The following EEFSEC variants were observed in gnomAD, a reference collection of about 807,000 sequenced individuals.
The protein encoded by EEFSEC is selenocysteine-specific elongation factor.
EEFSEC carries 43 observed loss-of-function variants against 42.1 expected under a neutral mutation model. The observed-to-expected ratio is 1.02, with a 90% confidence interval of 0.80 to 1.32. The LOEUF (loss-of-function observed/expected upper bound fraction) is 1.32. Ranked by LOEUF, EEFSEC falls within the 40% of genes most tolerant of loss-of-function variation. The probability of loss-of-function intolerance (pLI) is 0.00; values close to 1 mark genes in which losing one functional copy is unlikely to be tolerated. For synonymous variants in EEFSEC, 354 were observed against 339.1 expected, an observed-to-expected ratio of 1.04 and a Z score of -0.48; for missense variants, 745 against 803.6, an observed-to-expected ratio of 0.93 and a Z score of 0.88.
intron 4 of EEFSEC, among the ~76,000 whole-genome samples, chr3:128,324,016 C>T (rs2067036602): frequency 1.3e-5 from 2 of 152,222 alleles, no homozygotes; most frequent in African/African-American, 4.8e-5. Context: ...CCTCCATCTG[C>T]TCTGGGGAAG....
chr3:128,195,997 C>T (rs796629622), intron 1 of EEFSEC, among the ~76,000 whole-genome samples: 12 of 152,368 alleles, frequency 7.9e-5, no homozygotes, highest in East Asian at 1.9e-4. Flanking sequence ...TTGCCCCCAC[C>T]GCCTTTCTGC....
intron 1 of EEFSEC, among the ~76,000 whole-genome samples, chr3:128,209,393 G>T (rs2107829687): frequency 6.6e-6 from 1 of 152,276 alleles, no homozygotes; most frequent in Middle Eastern, 3.4e-3. Context: ...CTGAGTAGAG[G>T]GGGAGTGTAG....
At position 128,159,276 on chromosome 3, in the gene EEFSEC, C is replaced by G. The variant is rs140683022; in HGVS notation, c.316+5453C>G. Among the ~76,000 whole-genome samples, 456 of 152,320 alleles carry G rather than the reference C, an allele frequency of 3.0e-3. 2 individuals are homozygous for G. Among genetic ancestry groups the G allele is most frequent in the African/African-American group, 0.011 (441 of 41,562 alleles). On this transcript the variant is annotated intron_variant, in intron 1 of 6. Transcript: ENST00000254730. Reference sequence around the variant, plus strand: ...AAGTGCCTTGGGCTAGTGTTGGAACCTAACTCCGCCACCCCTAACCTGGAT... The same window carrying G: ...AAGTGCCTTGGGCTAGTGTTGGAACGTAACTCCGCCACCCCTAACCTGGAT...
At chr3:128,185,159 T>C (rs2065451924) in intron 1 of EEFSEC, among the ~76,000 whole-genome samples, 1 of 152,226 alleles carries the variant, frequency 6.6e-6, no homozygotes, top group Admixed American at 6.5e-5. Flanking sequence ...TGACTGAATC[T>C]TTTATTTTTC....
intron 1 of EEFSEC, among the ~76,000 whole-genome samples, chr3:128,178,783 T>C (rs2065376449): frequency 6.6e-6 from 1 of 152,246 alleles, no homozygotes; most frequent in African/African-American, 2.4e-5. Flanking sequence ...TATTTCTCAC[T>C]GTTTTCTGTG....
chr3:128,256,258 AATAGCTCT>A (rs2066240821), intron 2 of EEFSEC, among the ~76,000 whole-genome samples: 1 of 152,210 alleles, frequency 6.6e-6, no homozygotes, highest in Non-Finnish European at 1.5e-5. Context: ...GCTAGAATTT[AATAGCTCT>A]ATTTTGTTTT....
At chr3:128,226,335 G>A (rs890023482) in intron 1 of EEFSEC, among the ~76,000 whole-genome samples, 11 of 152,210 alleles carry the variant, frequency 7.2e-5, no homozygotes, top group Non-Finnish European at 1.5e-4. Flanking sequence ...TGGGCCACAT[G>A]TGCTCTTGAG....
chr3:128,306,994 C>G (rs1360596218), intron 4 of EEFSEC, among the ~76,000 whole-genome samples: 2 of 152,232 alleles, frequency 1.3e-5, no homozygotes, highest in Non-Finnish European at 2.9e-5. Flanking sequence ...AGCAGGGTAA[C>G]CTGGTAACTA....
chr3:128,420,602 C>T, the EEFSEC span, among the ~76,000 whole-genome samples: 1 of 152,252 alleles, frequency 6.6e-6, no homozygotes, highest in East Asian at 1.9e-4. Flanking sequence ...CCCTCCACGT[C>T]CTTCTTTCCT....
At chr3:128,308,636 T>G (rs1576626276) in intron 4 of EEFSEC, among the ~76,000 whole-genome samples, 1 of 152,356 alleles carries the variant, frequency 6.6e-6, no homozygotes, top group African/African-American at 2.4e-5. Context: ...TCAAATTTTA[T>G]GAAGAATCCC....
At chr3:128,220,935 T>C (rs566913283) in intron 1 of EEFSEC, among the ~76,000 whole-genome samples, 10 of 152,244 alleles carry the variant, frequency 6.6e-5, no homozygotes, top group African/African-American at 2.2e-4. Context: ...TGATATGGAG[T>C]CTACAACACA....
At chr3:128,209,005 A>G (rs2065728532) in intron 1 of EEFSEC, among the ~76,000 whole-genome samples, 1 of 152,224 alleles carries the variant, frequency 6.6e-6, no homozygotes, top group South Asian at 2.1e-4. Flanking sequence ...CATTTGAGTG[A>G]GTTCTTGAAG....
rs1246482256 is a variant in EEFSEC, at chr3:128,154,708, C to G, written c.316+885C>G. 1.1e-3 allele frequency among the ~76,000 whole-genome samples: 160 copies of G among 152,168 alleles called. 1 individual carries two copies. Among genetic ancestry groups the G allele is most frequent in the Non-Finnish European group, 1.3e-4 (9 of 67,996 alleles). On this transcript the variant is annotated intron_variant, in intron 1 of 6. Transcript: ENST00000254730. The stretch of plus-strand genomic sequence containing the variant: ...TCATGACCCGCCCGCCCTGGCCTCC[C>G]AAAGTCCTGGGATTACAGGCGTGAG...
intron 1 of EEFSEC, among the ~76,000 whole-genome samples, chr3:128,212,312 G>C (rs1400722326): frequency 6.6e-6 from 1 of 152,208 alleles, no homozygotes; most frequent in African/African-American, 2.4e-5. Flanking sequence ...CTCATCAGAG[G>C]TGTTCCTGCC....
At chr3:128,154,204 G>T (rs1944323977) in intron 1 of EEFSEC, among the ~76,000 whole-genome samples, 1 of 152,034 alleles carries the variant, frequency 6.6e-6, no homozygotes, top group African/African-American at 2.4e-5. Flanking sequence ...CTGTCATTTG[G>T]TCTGATTCCC....
intron 1 of EEFSEC, among the ~76,000 whole-genome samples, chr3:128,191,406 C>T (rs1374636319): frequency 1.3e-5 from 2 of 151,886 alleles, no homozygotes; most frequent in Non-Finnish European, 2.9e-5. Context: ...CCACCTTAGC[C>T]TCTTGAGTAG....
chr3:128,384,050 G>A (rs1469704266), intron 6 of EEFSEC, among the ~76,000 whole-genome samples: 3 of 152,240 alleles, frequency 2.0e-5, no homozygotes, highest in Admixed American at 2.0e-4. Context: ...CTACTCCCAA[G>A]CTAATATAGT....
the EEFSEC span, among the ~76,000 whole-genome samples, chr3:128,414,673 C>G: frequency 6.6e-6 from 1 of 152,250 alleles, no homozygotes; most frequent in African/African-American, 2.4e-5. Context: ...AACGTCACTA[C>G]TAACGTCAAT....
chr3:128,237,299 T>C (rs561010467), intron 1 of EEFSEC, among the ~76,000 whole-genome samples: 1 of 152,346 alleles, frequency 6.6e-6, no homozygotes, highest in Admixed American at 6.5e-5. Flanking sequence ...ATTCTGTGGG[T>C]TTTGTATCTT....
Sources: allele counts gnomAD v4.1 joint callset (sites outside exome capture counted in the v4.1 genomes callset), GRCh38; gene constraint gnomAD v4.1.1; transcripts MANE v1.5; gene names NCBI Gene and HGNC (gene_info 2026-07-23, HGNC 2026-07-21).